Variants in SYT16 observed in about 807,000 individuals in gnomAD.
SYT16 encodes synaptotagmin-16.
In SYT16, 42 loss-of-function variants were observed where a neutral mutation model predicts 61.4. The observed-to-expected ratio is 0.68, with a 90% CI of 0.53 to 0.89. The LOEUF is 0.89. Ranked by LOEUF, SYT16 falls within the 40% of genes least tolerant of loss-of-function variation. SYT16 has a pLI of 0.00. For missense variants in SYT16, 804 were observed against 807.3 expected (o/e 1.00, Z 0.05); for synonymous variants, 314 against 302.3 (o/e 1.04, Z -0.40).
At chr14:61,868,374 A>T (rs1028697605) in intron 1 of SYT16, among the ~76,000 whole-genome samples, 21 of 151,790 alleles carry the variant, frequency 1.4e-4, no homozygotes, top group Non-Finnish European at 2.9e-5. Context: ...ATTACCTTTC[A>T]TCTGCTTACT....
At chr14:62,019,205 A>C (rs2053822619) in intron 3 of SYT16, among the ~76,000 whole-genome samples, 1 of 152,230 alleles carries the variant, frequency 6.6e-6, no homozygotes, top group Admixed American at 6.5e-5. Context: ...AATACAAAAG[A>C]TTTTATTTTT....
chr14:62,012,160 A>C (rs1225860097), intron 3 of SYT16, among the ~76,000 whole-genome samples: 1 of 152,174 alleles, frequency 6.6e-6, no homozygotes, highest in Non-Finnish European at 1.5e-5. Flanking sequence ...GAGTCCAGGC[A>C]TGTGTTAGCT....
intron 2 of SYT16, among the ~76,000 whole-genome samples, chr14:61,975,670 C>T (rs1392085698): frequency 2.6e-5 from 4 of 152,176 alleles, no homozygotes. Flanking sequence ...CACCTAGTTT[C>T]TCCCTTGACA....
rs147521969 is a variant in SYT16 at position 61,876,098 on chromosome 14, G to A, written c.-325+63288G>A. On this transcript the variant is annotated intron_variant, in intron 1 of 7. Coordinates refer to ENST00000683842, the MANE Select transcript of SYT16 (RefSeq NM_001367656.1). ...TGCACATGCACGTGTGTGTGAGTGC[G>A]TGTTTACTGTGTTTACTAGGGATAT... Among the ~76,000 whole-genome samples, 1,515 of 152,264 alleles carry A rather than the reference G, an allele frequency of 9.9e-3. 21 individuals carry two copies. Among genetic ancestry groups the A allele is most frequent in the African/African-American group, 0.03 (1,258 of 41,548 alleles).
intron 3 of SYT16, among the ~76,000 whole-genome samples, chr14:62,019,318 T>A (rs965545083): frequency 2.0e-5 from 3 of 152,212 alleles, no homozygotes; most frequent in African/African-American, 7.2e-5. Flanking sequence ...ATATTTGATA[T>A]GTTTTTTTCA....
chr14:61,843,022 G>A (rs2046344311), intron 1 of SYT16, among the ~76,000 whole-genome samples: 1 of 152,086 alleles, frequency 6.6e-6, no homozygotes, highest in South Asian at 2.1e-4. Flanking sequence ...TGGATATTAT[G>A]AACAGTGCTG....
chr14:62,054,896 A>G (rs1212629972), intron 3 of SYT16, among the ~76,000 whole-genome samples: 1 of 151,938 alleles, frequency 6.6e-6, no homozygotes, highest in Non-Finnish European at 1.5e-5. Context: ...AAAGCTAGAA[A>G]CTCACAACAC....
chr14:62,020,620 A>G (rs569110418), intron 3 of SYT16, among the ~76,000 whole-genome samples: 4 of 152,180 alleles, frequency 2.6e-5, no homozygotes, highest in Non-Finnish European at 5.9e-5. Flanking sequence ...CCTCTCTCCA[A>G]TTCGTTTTCA....
Position 62,102,405 on chromosome 14 carries a change from A to T in SYT16, c.*1698A>T, listed in dbSNP as rs1306717661. 6.6e-6 allele frequency: 1 copy of T among 152,210 alleles called. No individual in the cohort carries two copies. Among genetic ancestry groups the T allele is most frequent in the Non-Finnish European group, 1.5e-5 (1 of 68,030 alleles). 9.4% of individuals were successfully genotyped at this position (152,210 alleles called of 1,614,324 possible). On this transcript the variant is annotated 3_prime_UTR_variant, in exon 8 of 8. Transcript: ENST00000683842. The stretch of plus-strand genomic sequence containing the variant: ...TAATACCTTAATTACTTTTCAGGTC[A>T]TGGGAGTTTCATATATATGGCTGCT...
intron 1 of SYT16, among the ~76,000 whole-genome samples, chr14:61,907,347 A>G (rs1000039064): frequency 6.6e-6 from 1 of 152,258 alleles, no homozygotes; most frequent in African/African-American, 2.4e-5. Context: ...GTACTTCATT[A>G]ATAAATGAAA....
At chr14:61,817,859 T>C (rs868325299) in intron 1 of SYT16, among the ~76,000 whole-genome samples, 1 of 152,210 alleles carries the variant, frequency 6.6e-6, no homozygotes, top group Non-Finnish European at 1.5e-5. Context: ...AAAGGATATA[T>C]GCATGTATGT....
chr14:61,940,955 G>C (rs1306653475), intron 1 of SYT16, among the ~76,000 whole-genome samples: 2 of 152,168 alleles, frequency 1.3e-5, no homozygotes, highest in Non-Finnish European at 2.9e-5. Flanking sequence ...GAAATGAAAG[G>C]CTTCCTGGGC....
intron 3 of SYT16, among the ~76,000 whole-genome samples, chr14:62,003,146 T>A (rs1486918737): frequency 6.6e-6 from 1 of 151,990 alleles, no homozygotes; most frequent in Non-Finnish European, 1.5e-5. Context: ...CTTCCCCAAG[T>A]GGCCTAAGGC....
chr14:61,983,292 C>T (rs997864232), intron 2 of SYT16, among the ~76,000 whole-genome samples: 7 of 152,154 alleles, frequency 4.6e-5, no homozygotes, highest in Non-Finnish European at 1.0e-4. Context: ...ATGTGTTCCT[C>T]TAAAGCCTAC....
At chr14:61,824,594 C>T (rs560475695) in intron 1 of SYT16, among the ~76,000 whole-genome samples, 16 of 152,254 alleles carry the variant, frequency 1.1e-4, no homozygotes, top group African/African-American at 1.4e-4. Context: ...CCTCATGATC[C>T]GCCCGCCTGA....
chr14:61,828,866 C>T (rs2045853445), intron 1 of SYT16, among the ~76,000 whole-genome samples: 1 of 152,190 alleles, frequency 6.6e-6, no homozygotes, highest in African/African-American at 2.4e-5. Context: ...CTCTTTAAGG[C>T]TATTCCTAAC....
At position 62,086,261 on chromosome 14, in the gene SYT16, C is replaced by T. The variant is rs558212453; in HGVS notation, c.1624+1876C>T. ...TGGGAGGCCGAGGTGAATGGATCAC[C>T]TCAGGCCAGGGGTTTGAGACCAGCC... On this transcript the variant is annotated intron_variant, in intron 7 of 7. Transcript: ENST00000683842. Among the ~76,000 whole-genome samples the T allele has an allele frequency of 2.7e-3, 408 of 152,180 alleles. 2 individuals are homozygous for T. In the Middle Eastern group the frequency reaches 0.031, roughly 11 times the overall value.
At chr14:61,827,007 T>C (rs962421854) in intron 1 of SYT16, among the ~76,000 whole-genome samples, 3 of 151,976 alleles carry the variant, frequency 2.0e-5, no homozygotes, top group African/African-American at 7.3e-5. Context: ...AGTCCCACCC[T>C]TATGACCTTA....
intron 1 of SYT16, among the ~76,000 whole-genome samples, chr14:61,911,794 C>T (rs1285263938): frequency 6.6e-6 from 1 of 152,174 alleles, no homozygotes; most frequent in Non-Finnish European, 1.5e-5. Context: ...TTCCATTGAA[C>T]TGGAAGCAAA....
Sources: allele counts gnomAD v4.1 joint callset (sites outside exome capture counted in the v4.1 genomes callset), GRCh38; gene constraint gnomAD v4.1.1; transcripts MANE v1.5; gene names NCBI Gene and HGNC (gene_info 2026-07-23, HGNC 2026-07-21).